The following VOPP1 variants were observed in gnomAD, a reference collection of about 807,000 sequenced individuals.
VOPP1 encodes VOPP1 WW domain binding protein.
In VOPP1, 8 loss-of-function variants were observed where a neutral mutation model predicts 23.5. The ratio of observed to expected loss-of-function variants is 0.34; its 90% CI spans 0.20 to 0.61. The LOEUF is 0.61. VOPP1 is among the 20% of genes least tolerant of loss of function. The probability of loss-of-function intolerance (pLI) is 0.78; values close to 1 mark genes in which losing one functional copy is unlikely to be tolerated. For synonymous variants in VOPP1, 83 were observed against 97.3 expected (o/e 0.85, Z 0.86); for missense variants, 174 against 238.1 (o/e 0.73, Z 1.77).
chr7:55,563,027 A>C (rs930504362), intron 1 of VOPP1, among the ~76,000 whole-genome samples: 6 of 152,204 alleles, frequency 3.9e-5, no homozygotes, highest in Non-Finnish European at 8.8e-5. Context: ...TCTCACTCAG[A>C]AATTTATTTC....
Position 55,516,924 on chromosome 7 carries a change from ATATATATATTTTTTTTTTTTTTTT to A in VOPP1, c.113+4124_113+4147del, listed in dbSNP as rs1472615316. 1.6e-4 allele frequency among the ~76,000 whole-genome samples: 7 copies of A among 43,064 alleles called. 1 individual carries two copies. Among genetic ancestry groups the A allele is most frequent in the African/African-American group, 8.2e-4 (7 of 8,494 alleles). 28.3% of individuals were successfully genotyped at this position (43,064 alleles called of 152,430 possible). A position where few individuals can be genotyped will look rare whatever the true frequency, so the allele number is the denominator to read the frequency against. On this transcript the variant is annotated intron_variant, in intron 2 of 4. Transcript: ENST00000285279. ...CCATTACATATATATATATATATAT[ATATATATATTTTTTTTTTTTTTTT>A]TTTTTTTTTTTTTTTGAGACGGAGT... is the stretch of plus-strand genomic sequence containing the variant.
intron 4 of VOPP1, among the ~76,000 whole-genome samples, chr7:55,457,623 T>C (rs1791400798): frequency 6.6e-6 from 1 of 152,018 alleles, no homozygotes; most frequent in African/African-American, 2.4e-5. Flanking sequence ...GCCAGCATTT[T>C]TTTTTTGGTC....
intron 1 of VOPP1, among the ~76,000 whole-genome samples, chr7:55,529,846 T>C (rs1429881852): frequency 2.0e-5 from 3 of 152,194 alleles, no homozygotes; most frequent in Non-Finnish European, 4.4e-5. Context: ...CAACTTACAG[T>C]CTCTTACGTC....
intron 2 of VOPP1, among the ~76,000 whole-genome samples, chr7:55,501,759 G>A (rs1794386433): frequency 6.6e-6 from 1 of 152,126 alleles, no homozygotes; most frequent in Non-Finnish European, 1.5e-5. Context: ...GGAATAAGGG[G>A]GGTGCAGAAC....
chr7:55,457,620 T>A (rs932028250), intron 4 of VOPP1, among the ~76,000 whole-genome samples: 2 of 70,052 alleles, frequency 2.9e-5, no homozygotes, highest in African/African-American at 7.7e-5. Flanking sequence ...GTTGCCAGCA[T>A]TTTTTTTTTG....
chr7:55,535,651 C>T (rs566802406), intron 1 of VOPP1, among the ~76,000 whole-genome samples: 18 of 152,342 alleles, frequency 1.2e-4, no homozygotes, highest in African/African-American at 3.8e-4. Context: ...TGAAAATTTT[C>T]GAGACTTCCA....
downstream of VOPP1, among the ~76,000 whole-genome samples, chr7:55,466,166 G>T (rs554337078): frequency 1.3e-5 from 2 of 152,296 alleles, no homozygotes; most frequent in African/African-American, 4.8e-5. Context: ...CCTGACCTTA[G>T]ACTTCCGAAC....
chr7:55,443,535 C>T (rs1791019777), intron 4 of VOPP1, among the ~76,000 whole-genome samples: 1 of 151,902 alleles, frequency 6.6e-6, no homozygotes, highest in Non-Finnish European at 1.5e-5. Context: ...GCCTGGGCAA[C>T]AGAGAGAGAC....
At chr7:55,548,800 G>A (rs144210228) in intron 1 of VOPP1, among the ~76,000 whole-genome samples, 3 of 152,340 alleles carry the variant, frequency 2.0e-5, no homozygotes, top group African/African-American at 7.2e-5. Flanking sequence ...CTCTTGCTCT[G>A]TAGATTATAA....
intron 1 of VOPP1, among the ~76,000 whole-genome samples, chr7:55,555,748 A>G (rs1251712830): frequency 6.6e-6 from 1 of 152,218 alleles, no homozygotes; most frequent in African/African-American, 2.4e-5. Context: ...TGCTGGGAAC[A>G]TAATTCTTTA....
At chr7:55,510,786 G>A (rs1170434891) in intron 2 of VOPP1, among the ~76,000 whole-genome samples, 1 of 151,802 alleles carries the variant, frequency 6.6e-6, no homozygotes, top group Admixed American at 6.6e-5. Flanking sequence ...CAGGCACCCT[G>A]AACTCCAGCC....
At position 55,459,737 on chromosome 7, in the gene VOPP1, T is replaced by C. The variant is rs1269780043; in HGVS notation, n.418-23563A>G. Among the ~76,000 whole-genome samples the C allele has an allele frequency of 2.0e-5, 3 of 150,414 alleles. No homozygotes were observed. In the East Asian group the frequency reaches 5.8e-4, roughly 29 times the overall value. ...AATATCTTCTTTCTCATTTCTGATT[T>C]TATTTGACTCTTCTTCCTTTTTTCA... On this transcript the variant is annotated intron_variant and non_coding_transcript_variant, in intron 4 of 4. Coordinates refer to the VOPP1 transcript ENST00000462326.
At chr7:55,438,837 G>C (rs1790895081) in intron 4 of VOPP1, among the ~76,000 whole-genome samples, 1 of 152,222 alleles carries the variant, frequency 6.6e-6, no homozygotes, top group Non-Finnish European at 1.5e-5. Context: ...AACGGCTGTG[G>C]CTACGCAGGT....
chr7:55,497,560 G>A (rs889873797), intron 3 of VOPP1, 53 bp downstream of exon 3: 17 of 1,191,856 alleles, frequency 1.4e-5, no homozygotes, highest in Non-Finnish European at 1.6e-5. Context: ...CTGATGGGGG[G>A]GGGGGGGGGG....
intron 4 of VOPP1, among the ~76,000 whole-genome samples, chr7:55,444,227 G>A (rs889950774): frequency 7.2e-5 from 11 of 152,108 alleles, no homozygotes; most frequent in African/African-American, 4.8e-5. Context: ...AGAGATCATC[G>A]GACAAGAGTC....
chr7:55,487,015 A>G lies in VOPP1; in HGVS notation c.328+5267T>C, dbSNP rs74528018. On this transcript the variant is annotated intron_variant, in intron 4 of 4. Coordinates refer to ENST00000285279, the MANE Select transcript of VOPP1 (RefSeq NM_030796.5). The stretch of plus-strand genomic sequence containing the variant: ...TGGCCTGTAAGGCTGTCCCATCACC[A>G]TCCCCGCACGTCAGAAGCACCGTCA... Among the ~76,000 whole-genome samples the G allele has an allele frequency of 5.3e-3, 807 of 152,308 alleles. 9 individuals are homozygous for G. The highest frequency in any genetic ancestry group is 0.019 in the African/African-American group (779 of 41,566).
Position 55,572,340 on chromosome 7 carries a change from C to G in VOPP1, c.-16G>C. The G allele has an allele frequency of 1.5e-6, 2 of 1,366,334 alleles. No individual in the cohort carries two copies. The highest frequency in any genetic ancestry group is 1.9e-6 in the Non-Finnish European group (2 of 1,061,686). The allele number at this position is 1,366,334 out of a possible 1,614,324, so 84.6% of individuals were successfully genotyped here. A position where few individuals can be genotyped will look rare whatever the true frequency, so the allele number is the denominator to read the frequency against. On this transcript the variant is annotated 5_prime_UTR_variant, in exon 1 of 5. Coordinates refer to ENST00000285279, the MANE Select transcript of VOPP1 (RefSeq NM_030796.5). ...GGCGCCTCATGGCTCCTCGCGTCCT[C>G]TCCAGCGCGCCCGGACGCCGGGTCG...
At chr7:55,556,662 T>C (rs1797818105) in intron 1 of VOPP1, among the ~76,000 whole-genome samples, 1 of 148,228 alleles carries the variant, frequency 6.7e-6, no homozygotes, top group Non-Finnish European at 1.5e-5. Flanking sequence ...CTTCAAGCTT[T>C]GAGAGAAATG....
intron 4 of VOPP1, among the ~76,000 whole-genome samples, chr7:55,447,896 C>T (rs1402614667): frequency 6.6e-6 from 1 of 152,100 alleles, no homozygotes; most frequent in Non-Finnish European, 1.5e-5. Flanking sequence ...ATTTTTCTCC[C>T]TTCAAATTGG....
Sources: gnomAD v4.1 joint callset for allele counts (sites outside exome capture counted in the v4.1 genomes callset) on GRCh38, gnomAD v4.1.1 for gene constraint, MANE v1.5 for transcripts, NCBI Gene and HGNC (gene_info 2026-07-23, HGNC 2026-07-21) for gene names.